Variants in SORL1 observed in about 807,000 individuals in gnomAD.
The protein encoded by SORL1 is sortilin related receptor 1.
In SORL1, 127 loss-of-function variants were observed where a neutral mutation model predicts 273.7. The ratio of observed to expected loss-of-function variants is 0.46; its 90% CI spans 0.40 to 0.54. SORL1 has a LOEUF of 0.54. Among genes scored for constraint, SORL1 ranks in the 20% least tolerant of loss-of-function variants. The probability of loss-of-function intolerance (pLI) is 0.00; values close to 1 mark genes in which losing one functional copy is unlikely to be tolerated. For synonymous variants in SORL1, 1,031 were observed against 1,067.4 expected, an observed-to-expected ratio of 0.97 and a Z score of 0.66; for missense variants, 2,494 against 2,846.1, an observed-to-expected ratio of 0.88 and a Z score of 2.81.
At chr11:121,455,817 A>G (rs941808769) in intron 1 of SORL1, among the ~76,000 whole-genome samples, 6 of 152,076 alleles carry the variant, frequency 3.9e-5, no homozygotes, top group Non-Finnish European at 8.8e-5. Flanking sequence ...ACATGGGGAA[A>G]CCCCGTCTCT....
Position 121,596,964 on chromosome 11 carries a change from A to G in SORL1, c.4519+1192A>G, listed in dbSNP as rs1308346503. Among the ~76,000 whole-genome samples the G allele has an allele frequency of 2.6e-5, 4 of 152,172 alleles. No individual in the cohort carries two copies. Among genetic ancestry groups the G allele is most frequent in the African/African-American group, 9.7e-5 (4 of 41,434 alleles). On this transcript the variant is annotated intron_variant, in intron 32 of 47. Transcript: ENST00000260197. This position sits in a 1 kb window ranked among gnomAD's most constrained non-coding sequence, Gnocchi z 4.3. The stretch of plus-strand genomic sequence containing the variant: ...GGTTAGTCATCTCTTAATTCCTCTA[A>G]TTCAGTATTTACAAAATTTATGGGA...
chr11:121,458,870 C>T (rs114649754), intron 1 of SORL1, among the ~76,000 whole-genome samples: 145 of 152,218 alleles, frequency 9.5e-4, no homozygotes, highest in African/African-American at 3.2e-3. Flanking sequence ...ATGACCAATG[C>T]TTTGTGCATT....
intron 18 of SORL1, among the ~76,000 whole-genome samples, chr11:121,556,665 C>T (rs1046444658): frequency 3.3e-5 from 5 of 152,270 alleles, no homozygotes; most frequent in East Asian, 1.9e-4. Flanking sequence ...TGCAGAGCTA[C>T]TGATGCTTAT....
chr11:121,625,408 A>T (rs1043387446), intron 46 of SORL1, 131 bp downstream of exon 46: 2 of 752,096 alleles, frequency 2.7e-6, no homozygotes, highest in East Asian at 5.6e-5. Flanking sequence ...AATCATTTAT[A>T]TATCAGTTTG....
chr11:121,604,769 G>A (rs535948374), intron 33 of SORL1, among the ~76,000 whole-genome samples: 2 of 152,160 alleles, frequency 1.3e-5, no homozygotes, highest in South Asian at 2.1e-4. Context: ...TATCACGACC[G>A]GAAAAGTAGG....
intron 12 of SORL1, among the ~76,000 whole-genome samples, chr11:121,536,658 C>T (rs190295066): frequency 6.6e-6 from 1 of 151,800 alleles, no homozygotes; most frequent in Non-Finnish European, 1.5e-5. Context: ...AAGTGATCCA[C>T]CTGCCTTCCT....
chr11:121,594,032 G>A (rs1863255290), intron 31 of SORL1, among the ~76,000 whole-genome samples: 1 of 152,096 alleles, frequency 6.6e-6, no homozygotes, highest in Non-Finnish European at 1.5e-5. Flanking sequence ...TAGATTGTAA[G>A]TAATTTTCCT....
intron 43 of SORL1, 32 bp downstream of exon 43, chr11:121,619,949 T>A (rs1863698586): frequency 6.3e-7 from 1 of 1,589,318 alleles, no homozygotes; most frequent in Admixed American, 1.7e-5. Flanking sequence ...GCCTCTTTGT[T>A]TATTCCTGGC....
chr11:121,483,391 C>T (rs1861424981), intron 3 of SORL1, among the ~76,000 whole-genome samples: 1 of 152,230 alleles, frequency 6.6e-6, no homozygotes, highest in Non-Finnish European at 1.5e-5. Context: ...AGGGATGTTC[C>T]TTCATTGCCT....
At chr11:121,460,347 C>T (rs1860977018) in intron 1 of SORL1, among the ~76,000 whole-genome samples, 1 of 150,038 alleles carries the variant, frequency 6.7e-6, no homozygotes, top group African/African-American at 2.5e-5. Flanking sequence ...AGATGATTTC[C>T]TTCTGACTTT....
intron 21 of SORL1, among the ~76,000 whole-genome samples, chr11:121,560,310 C>T (rs1330888087): frequency 6.6e-6 from 1 of 152,202 alleles, no homozygotes; most frequent in Non-Finnish European, 1.5e-5. Context: ...CAGACAGTAG[C>T]TGTCTTAGAG....
chr11:121,500,457 C>T (rs1444867770), intron 6 of SORL1, among the ~76,000 whole-genome samples: 1 of 152,236 alleles, frequency 6.6e-6, no homozygotes, highest in Non-Finnish European at 1.5e-5. Flanking sequence ...TGCTAGGAAA[C>T]TATGGCCCAC....
intron 1 of SORL1, among the ~76,000 whole-genome samples, chr11:121,453,755 G>T (rs1479754674): frequency 1.3e-5 from 2 of 152,244 alleles, no homozygotes; most frequent in Admixed American, 6.5e-5. Context: ...TGTTGGTGAA[G>T]AAACTGAAGC....
At chr11:121,577,126 C>A in intron 24 of SORL1, 155 bp from the exon 25 acceptor site, 1 of 1,139,724 alleles carries the variant, frequency 8.8e-7, no homozygotes, top group Non-Finnish European at 1.3e-6. Flanking sequence ...TGTTAAATGA[C>A]CTTTTGTCCC....
At chr11:121,584,924 A>G (rs952677346) in intron 26 of SORL1, among the ~76,000 whole-genome samples, 2 of 152,180 alleles carry the variant, frequency 1.3e-5, no homozygotes, top group African/African-American at 2.4e-5. Context: ...ATGCCTGGCA[A>G]TAACTTTTTG....
At chr11:121,461,723 C>T (rs1311702646) in intron 1 of SORL1, among the ~76,000 whole-genome samples, 1 of 152,174 alleles carries the variant, frequency 6.6e-6, no homozygotes, top group Non-Finnish European at 1.5e-5. Flanking sequence ...GAGAAAACTG[C>T]CTGTGAGTTT....
rs963505562 is a variant in SORL1, at chr11:121,462,746, G to A, written c.286-7261G>A. 3.9e-5 allele frequency among the ~76,000 whole-genome samples: 6 copies of A among 152,194 alleles called. No individual in the cohort carries two copies. In the East Asian group the frequency reaches 5.8e-4, roughly 15 times the overall value. ...ACTACAGGCATGCGCCACCAGGCCCGTCTAGTTTTTGTATTTTTTGTAGAG... is the reference window on the plus strand; with the variant it reads ...ACTACAGGCATGCGCCACCAGGCCCATCTAGTTTTTGTATTTTTTGTAGAG... On this transcript the variant is annotated intron_variant, in intron 1 of 47. Coordinates refer to ENST00000260197, the MANE Select transcript of SORL1 (RefSeq NM_003105.6).
chr11:121,458,068 T>C (rs896206844), intron 1 of SORL1, among the ~76,000 whole-genome samples: 1 of 152,208 alleles, frequency 6.6e-6, no homozygotes, highest in Non-Finnish European at 1.5e-5. Context: ...TTCCACCCAC[T>C]GTAATGGAGG....
chr11:121,452,840 G>A lies in SORL1; in HGVS notation c.285+224G>A. 1 of 472,720 alleles carries A rather than the reference G, an allele frequency of 2.1e-6. No homozygotes were observed. The highest frequency in any genetic ancestry group is 3.7e-6 in the Non-Finnish European group (1 of 271,490). 29.3% of individuals were successfully genotyped at this position (472,720 alleles called of 1,614,324 possible). On this transcript the variant is annotated intron_variant, in intron 1 of 47. Transcript: ENST00000260197. This position sits in a 1 kb window ranked among gnomAD's most constrained non-coding sequence, Gnocchi z 5.3. The stretch of plus-strand genomic sequence containing the variant: ...TAAACGTATTCCAGGTAACTCGCCG[G>A]GTGCAGTGCGTATTACCCCAGGGTG...
Sources: allele counts gnomAD v4.1 joint callset (sites outside exome capture counted in the v4.1 genomes callset), GRCh38; gene constraint gnomAD v4.1.1; non-coding constraint Gnocchi (gnomAD v3.1); transcripts MANE v1.5; gene names NCBI Gene and HGNC (gene_info 2026-07-23, HGNC 2026-07-21).